Variants in TOX3 observed in about 807,000 individuals in gnomAD.
TOX3 encodes TOX high mobility group box family member 3.
TOX3 carries 22 observed loss-of-function variants against 64.3 expected under a neutral mutation model. That is an observed-to-expected ratio of 0.34 (90% CI 0.24 to 0.49). The LOEUF is 0.49. Among genes scored for constraint, TOX3 ranks in the 20% least tolerant of loss-of-function variants. The pLI is 0.99. For synonymous variants in TOX3, 291 were observed against 273.6 expected (o/e 1.06, Z -0.63); for missense variants, 661 against 714.4 (o/e 0.93, Z 0.85).
chr16:52,485,838 T>C (rs1304201334), intron 1 of TOX3, among the ~76,000 whole-genome samples: 2 of 151,984 alleles, frequency 1.3e-5, no homozygotes, highest in African/African-American at 4.8e-5. Context: ...GAACTTCCTT[T>C]GGAGTGTTTT....
chr16:52,532,214 T>G (rs945307218), intron 1 of TOX3, among the ~76,000 whole-genome samples: 5 of 152,218 alleles, frequency 3.3e-5, no homozygotes, highest in Admixed American at 1.3e-4. Flanking sequence ...ATCCATGCCC[T>G]TCTGTAATGT....
intron 1 of TOX3, among the ~76,000 whole-genome samples, chr16:52,512,220 A>G (rs1353785731): frequency 6.6e-6 from 1 of 152,174 alleles, no homozygotes; most frequent in East Asian, 1.9e-4. Flanking sequence ...GCTCAAATGG[A>G]TTTTGTTTTA....
chr16:52,476,453 G>A (rs1961210023), intron 1 of TOX3, among the ~76,000 whole-genome samples: 1 of 151,898 alleles, frequency 6.6e-6, no homozygotes, highest in African/African-American at 2.4e-5. Flanking sequence ...GGATACTAAG[G>A]TTCCAGAATT....
chr16:52,543,974 C>T (rs1442306927), intron 1 of TOX3, among the ~76,000 whole-genome samples: 3 of 152,100 alleles, frequency 2.0e-5, no homozygotes, highest in East Asian at 1.9e-4. Context: ...TAAAGATAAG[C>T]GCTAACTTTC....
intron 1 of TOX3, among the ~76,000 whole-genome samples, chr16:52,490,626 ATTTTT>A (rs3086679): frequency 3.0e-5 from 3 of 99,052 alleles, no homozygotes; most frequent in Non-Finnish European, 5.6e-5. Context: ...CTAGGATGTA[ATTTTT>A]TTTTTTTTTT....
chr16:52,499,055 A>T (rs1961932454), intron 1 of TOX3, among the ~76,000 whole-genome samples: 1 of 152,228 alleles, frequency 6.6e-6, no homozygotes, highest in African/African-American at 2.4e-5. Flanking sequence ...ATAATAAGAG[A>T]GGTGCTGATT....
intron 2 of TOX3, among the ~76,000 whole-genome samples, chr16:52,465,944 C>A (rs1960852190): frequency 6.6e-6 from 1 of 152,114 alleles, no homozygotes; most frequent in African/African-American, 2.4e-5. Flanking sequence ...CTAATAATGA[C>A]CCCAAAAGCT....
At chr16:52,474,179 C>T (rs1013315912) in intron 1 of TOX3, among the ~76,000 whole-genome samples, 11 of 152,160 alleles carry the variant, frequency 7.2e-5, no homozygotes, top group Non-Finnish European at 1.6e-4. Flanking sequence ...AAATATCATT[C>T]TTAAATCCTC....
chr16:52,512,371 A>G (rs1272129307), intron 1 of TOX3, among the ~76,000 whole-genome samples: 1 of 152,170 alleles, frequency 6.6e-6, no homozygotes, highest in Admixed American at 6.5e-5. Context: ...CCAACCCAAA[A>G]TGCTCTATTA....
intron 1 of TOX3, among the ~76,000 whole-genome samples, chr16:52,491,285 G>A (rs1961679115): frequency 1.3e-5 from 2 of 151,852 alleles, no homozygotes; most frequent in South Asian, 4.2e-4. Context: ...AATGGGGTGA[G>A]CTCTTCTTCC....
intron 1 of TOX3, among the ~76,000 whole-genome samples, chr16:52,470,518 G>C (rs750213878): frequency 8.6e-5 from 13 of 152,024 alleles, no homozygotes; most frequent in Non-Finnish European, 1.6e-4. Context: ...TTAAACTAAA[G>C]GCCTAAACAA....
Position 52,438,741 on chromosome 16 carries a change from T to C in TOX3, c.*484A>G. On this transcript the variant is annotated 3_prime_UTR_variant, in exon 7 of 7. Coordinates refer to ENST00000219746, the MANE Select transcript of TOX3 (RefSeq NM_001080430.4). ...CATGACAAAAAAATGCCATCAACTA[T>C]TCACGTCATACAAATGTTTGTATGA... The C allele has an allele frequency of 5.8e-6, 1 of 173,850 alleles. No individual in the cohort carries two copies. Among genetic ancestry groups the C allele is most frequent in the Non-Finnish European group, 1.3e-5 (1 of 79,074 alleles). 10.8% of individuals were successfully genotyped at this position (173,850 alleles called of 1,614,324 possible). A position where few individuals can be genotyped will look rare whatever the true frequency, so the allele number is the denominator to read the frequency against.
chr16:52,480,931 T>TG (rs1961354162), intron 1 of TOX3, among the ~76,000 whole-genome samples: 1 of 140,192 alleles, frequency 7.1e-6, no homozygotes, highest in South Asian at 2.3e-4. Flanking sequence ...TGAAGAGAGT[T>TG]TTTTTTTTTT....
chr16:52,439,092 C>T lies in TOX3; in HGVS notation c.*133G>A. 7.8e-7 allele frequency: 1 copy of T among 1,289,402 alleles called. No homozygotes were observed. Among genetic ancestry groups the T allele is most frequent in the Non-Finnish European group, 1.1e-6 (1 of 918,364 alleles). The allele number at this position is 1,289,402 out of a possible 1,614,324, so 79.9% of individuals were successfully genotyped here. ...CAGTTCTTATTGCCTATCTAATAGA[C>T]ACTTGAGAGGACCGTTTGATCTGTT... On this transcript the variant is annotated 3_prime_UTR_variant, in exon 7 of 7. Coordinates refer to ENST00000219746, the MANE Select transcript of TOX3 (RefSeq NM_001080430.4).
chr16:52,444,608 A>G, intron 5 of TOX3: 2 of 351,432 alleles, frequency 5.7e-6, no homozygotes, highest in Non-Finnish European at 1.0e-5. Flanking sequence ...GCAAATAAGA[A>G]AAAGATTTCT....
rs185886990 is a variant in TOX3 at position 52,528,181 on chromosome 16, C to T, written c.87+18456G>A. Among the ~76,000 whole-genome samples, 20 of 152,156 alleles carry T rather than the reference C, an allele frequency of 1.3e-4. No homozygotes were observed. The East Asian group carries it at 2.9e-3, about 22-fold the overall frequency. ...CTTAACCAGATGTTAAAAACTGACC[C>T]GATCTTAGGATGTTAACAATATTTT... On this transcript the variant is annotated intron_variant, in intron 1 of 6. Transcript: ENST00000219746.
chr16:52,460,264 C>G (rs1430939705), intron 3 of TOX3, among the ~76,000 whole-genome samples: 1 of 152,096 alleles, frequency 6.6e-6, no homozygotes, highest in Non-Finnish European at 1.5e-5. Flanking sequence ...AATGTCAGTC[C>G]TCTAAACATG....
chr16:52,486,333 A>G (rs145630246), intron 1 of TOX3, among the ~76,000 whole-genome samples: 171 of 152,310 alleles, frequency 1.1e-3, no homozygotes, highest in African/African-American at 4.0e-3. Context: ...AGACTTCACT[A>G]AAGAGAAAGT....
intron 1 of TOX3, among the ~76,000 whole-genome samples, chr16:52,487,310 A>AG (rs1375992102): frequency 1.1e-3 from 169 of 151,582 alleles, no homozygotes; most frequent in African/African-American, 4.0e-3. Flanking sequence ...AGATGGAAAA[A>AG]AAAAAAAGAA....
Sources: allele counts gnomAD v4.1 joint callset (sites outside exome capture counted in the v4.1 genomes callset), GRCh38; gene constraint gnomAD v4.1.1; transcripts MANE v1.5; gene names NCBI Gene and HGNC (gene_info 2026-07-23, HGNC 2026-07-21).